PKP2: variants seen among roughly 807,000 people sequenced by gnomAD.
PKP2 encodes the protein plakophilin-2.
PKP2 carries 73 observed loss-of-function variants against 83.4 expected under a neutral mutation model. The ratio of observed to expected loss-of-function variants is 0.88; its 90% confidence interval spans 0.72 to 1.06. The LOEUF (loss-of-function observed/expected upper bound fraction) is 1.06, where lower values mean the gene tolerates loss of function less well. Among genes scored for constraint, PKP2 ranks in the 50% least tolerant of loss-of-function variants. The probability of loss-of-function intolerance (pLI) is 0.00; values close to 1 mark genes in which losing one functional copy is unlikely to be tolerated. For synonymous variants in PKP2, 409 were observed against 430.4 expected, an observed-to-expected ratio of 0.95 and a Z score of 0.62; for missense variants, 966 against 1,065.4, an observed-to-expected ratio of 0.91 and a Z score of 1.30.
chr12:32,858,074 AAAAAAAAAAAATAT>A lies in PKP2; in HGVS notation c.1171-7115_1171-7102del, dbSNP rs1252548226. ...GAGACCCCATCTCTACAAAAAAAAA[AAAAAAAAAAAATAT>A]ATATATATATATATATATATATATA... is the stretch of plus-strand genomic sequence containing the variant. On this transcript the variant is annotated intron_variant, in intron 4 of 12. Transcript: ENST00000340811. Among the ~76,000 whole-genome samples the A allele has an allele frequency of 1.7e-3, 112 of 66,442 alleles. 1 individual carries two copies. Among genetic ancestry groups the A allele is most frequent in the African/African-American group, 7.7e-3 (111 of 14,438 alleles). The allele number at this position is 66,442 out of a possible 152,430, so 43.6% of individuals were successfully genotyped here.
chr12:32,865,101 G>A (rs1273502840), intron 4 of PKP2, among the ~76,000 whole-genome samples: 9 of 152,198 alleles, frequency 5.9e-5, no homozygotes, highest in African/African-American at 2.2e-4. Flanking sequence ...CAGGCTGGGT[G>A]TGGTGGCTCA....
chr12:32,874,801 C>T (rs1205517121), intron 3 of PKP2, among the ~76,000 whole-genome samples: 4 of 152,074 alleles, frequency 2.6e-5, no homozygotes, highest in East Asian at 3.9e-4. Context: ...GGTACAGTGG[C>T]ACAATCACAG....
intron 4 of PKP2, among the ~76,000 whole-genome samples, chr12:32,861,063 T>A (rs1278796880): frequency 1.5e-5 from 2 of 132,278 alleles, no homozygotes; most frequent in Non-Finnish European, 3.5e-5. Context: ...AAAGCAGAAT[T>A]TGAAAGGATC....
intron 6 of PKP2, among the ~76,000 whole-genome samples, chr12:32,840,084 T>C (rs189150449): frequency 1.3e-5 from 2 of 152,308 alleles, no homozygotes; most frequent in Non-Finnish European, 2.9e-5. Context: ...CAGAATCACC[T>C]AGAGGCTTGT....
chr12:32,871,395 A>G (rs780896707), intron 3 of PKP2, among the ~76,000 whole-genome samples: 1 of 152,112 alleles, frequency 6.6e-6, no homozygotes, highest in Non-Finnish European at 1.5e-5. Context: ...TCCTGGGCTC[A>G]AGCGATCCTC....
chr12:32,802,645 G>A (rs1956193429), intron 9 of PKP2, 89 bp from the exon 10 acceptor site: 1 of 1,125,934 alleles, frequency 8.9e-7, no homozygotes, highest in African/African-American at 1.5e-5. Context: ...GGTTGATGAA[G>A]ATGTTTTATT....
chr12:32,865,985 T>C (rs1956845466), intron 4 of PKP2, among the ~76,000 whole-genome samples: 1 of 152,076 alleles, frequency 6.6e-6, no homozygotes, highest in African/African-American at 2.4e-5. Context: ...TAGAGAAACA[T>C]TTCTTGGATA....
At chr12:32,799,350 T>G (rs1253855637) in intron 10 of PKP2, among the ~76,000 whole-genome samples, 2 of 152,204 alleles carry the variant, frequency 1.3e-5, no homozygotes, top group Non-Finnish European at 2.9e-5. Context: ...TGTAAACTAG[T>G]ACAACCACTA....
intron 6 of PKP2, among the ~76,000 whole-genome samples, chr12:32,829,080 C>T (rs183510999): frequency 6.6e-6 from 1 of 152,128 alleles, no homozygotes; most frequent in African/African-American, 2.4e-5. Flanking sequence ...CGACTATAGG[C>T]ATGCACTGCC....
chr12:32,860,678 A>G (rs1956790075), intron 4 of PKP2, among the ~76,000 whole-genome samples: 1 of 152,164 alleles, frequency 6.6e-6, no homozygotes, highest in Non-Finnish European at 1.5e-5. Context: ...ATGTATACCT[A>G]TATAACAAAT....
intron 1 of PKP2, among the ~76,000 whole-genome samples, chr12:32,890,536 CT>C (rs994957306): frequency 1.4e-4 from 22 of 152,104 alleles, no homozygotes; most frequent in African/African-American, 4.3e-4. Flanking sequence ...GCTTAAGTTT[CT>C]TTTTTTCCAA....
At chr12:32,861,028 A>AAAAC (rs58398546) in intron 4 of PKP2, among the ~76,000 whole-genome samples, 5,142 of 151,460 alleles carry the variant, frequency 0.034, 221 homozygotes, top group African/African-American at 0.11. Context: ...ACTCTGTCTC[A>AAAAC]AAACAAACAA....
chr12:32,884,681 T>C (rs1208594138), intron 1 of PKP2, among the ~76,000 whole-genome samples: 2 of 152,310 alleles, frequency 1.3e-5, no homozygotes, highest in Admixed American at 1.3e-4. Flanking sequence ...CTAAATAGAA[T>C]TTGAGTCATA....
At chr12:32,861,004 G>C (rs1956793104) in intron 4 of PKP2, among the ~76,000 whole-genome samples, 1 of 150,600 alleles carries the variant, frequency 6.6e-6, no homozygotes, top group Non-Finnish European at 1.5e-5. Flanking sequence ...CTCCAGCCTG[G>C]GTGACAGAGC....
intron 4 of PKP2, among the ~76,000 whole-genome samples, chr12:32,866,237 G>C (rs1382868535): frequency 6.6e-6 from 1 of 152,074 alleles, no homozygotes; most frequent in Non-Finnish European, 1.5e-5. Flanking sequence ...AAGAAGATAT[G>C]TAAGTGGCAA....
At chr12:32,875,528 G>T (rs770352915) in intron 3 of PKP2, among the ~76,000 whole-genome samples, 2 of 152,164 alleles carry the variant, frequency 1.3e-5, no homozygotes, top group Non-Finnish European at 2.9e-5. Context: ...AATGGGGCTT[G>T]TAGGTCATGC....
At chr12:32,838,147 G>C (rs1291883120) in intron 6 of PKP2, among the ~76,000 whole-genome samples, 1 of 152,170 alleles carries the variant, frequency 6.6e-6, no homozygotes, top group Non-Finnish European at 1.5e-5. Context: ...ACACAGCCAA[G>C]AAAAAGAATG....
At chr12:32,809,807 T>C (rs1416846975) in intron 9 of PKP2, among the ~76,000 whole-genome samples, 1 of 152,170 alleles carries the variant, frequency 6.6e-6, no homozygotes, top group Admixed American at 6.5e-5. Context: ...CGCTTCCCTT[T>C]GCTGGGGGTG....
intron 1 of PKP2, among the ~76,000 whole-genome samples, chr12:32,883,027 A>G (rs936749867): frequency 6.6e-6 from 1 of 152,238 alleles, no homozygotes; most frequent in Non-Finnish European, 1.5e-5. Flanking sequence ...GTAAATATTA[A>G]TTCTTTATTT....
Sources: allele counts gnomAD v4.1 joint callset (sites outside exome capture counted in the v4.1 genomes callset), GRCh38; gene constraint gnomAD v4.1.1; transcripts MANE v1.5; gene names NCBI Gene and HGNC (gene_info 2026-07-23, HGNC 2026-07-21).